PMS1: variants seen among roughly 807,000 people sequenced by gnomAD.
PMS1 encodes the protein PMS1 homolog 1, mismatch repair system component, also known as PMS1 protein homolog 1.
A neutral mutation model predicts 93.1 loss-of-function variants in PMS1; 79 were observed. The ratio of observed to expected loss-of-function variants is 0.85; its 90% confidence interval spans 0.71 to 1.02. PMS1 has a LOEUF of 1.02. Ranked by LOEUF, PMS1 falls within the 50% of genes least tolerant of loss-of-function variation. PMS1 has a pLI of 0.00. For synonymous variants in PMS1, 335 were observed against 363.4 expected (o/e 0.92, Z 0.89); for missense variants, 1,064 against 1,085.3 (o/e 0.98, Z 0.28).
intron 9 of PMS1, among the ~76,000 whole-genome samples, chr2:189,857,965 A>T (rs2055528048): frequency 1.3e-5 from 2 of 152,126 alleles, no homozygotes; most frequent in Admixed American, 1.3e-4. Flanking sequence ...TATTAAGGAA[A>T]TAAGATTCTA....
At chr2:189,818,731 A>C (rs2051549430) in intron 5 of PMS1, among the ~76,000 whole-genome samples, 1 of 152,174 alleles carries the variant, frequency 6.6e-6, no homozygotes, top group South Asian at 2.1e-4. Context: ...TTAATCTCTG[A>C]AATCAGGGAT....
chr2:189,851,837 C>CTGGG (rs5743122), intron 6 of PMS1, among the ~76,000 whole-genome samples: 12,284 of 152,142 alleles, frequency 0.081, 634 homozygotes, highest in East Asian at 0.2. Flanking sequence ...AGTGGTAGAA[C>CTGGG]TGGGATTCAA....
At chr2:189,834,280 C>T (rs2053201694) in intron 5 of PMS1, among the ~76,000 whole-genome samples, 1 of 152,164 alleles carries the variant, frequency 6.6e-6, no homozygotes, top group South Asian at 2.1e-4. Flanking sequence ...TGTGCAATGT[C>T]AGGGAGTCAT....
chr2:189,851,136 T>G (rs912799802), intron 6 of PMS1, among the ~76,000 whole-genome samples: 1 of 152,210 alleles, frequency 6.6e-6, no homozygotes, highest in African/African-American at 2.4e-5. Context: ...TGTTTTATTT[T>G]ACTTTGCCAT....
chr2:189,817,248 A>G (rs2051395107), intron 4 of PMS1, among the ~76,000 whole-genome samples: 1 of 152,224 alleles, frequency 6.6e-6, no homozygotes, highest in Non-Finnish European at 1.5e-5. Flanking sequence ...CCTCAGTGTA[A>G]TGATTCTCTA....
chr2:189,868,043 G>T, intron 11 of PMS1, 114 bp downstream of exon 11: 1 of 889,796 alleles, frequency 1.1e-6, no homozygotes, highest in Non-Finnish European at 1.9e-6. Flanking sequence ...CTCACTATAA[G>T]TACAGTGTCA....
intron 11 of PMS1, among the ~76,000 whole-genome samples, chr2:189,870,381 C>T (rs182822369): frequency 2.6e-5 from 4 of 152,178 alleles, no homozygotes; most frequent in African/African-American, 4.8e-5. Flanking sequence ...AGCTTTTTGT[C>T]CTGCATCAAT....
At chr2:189,843,840 C>G in intron 5 of PMS1, 124 bp from the exon 6 acceptor site, 1 of 815,212 alleles carries the variant, frequency 1.2e-6, no homozygotes, top group South Asian at 1.4e-5. Context: ...TCATGAATCT[C>G]TTCTAAGTGA....
chr2:189,860,189 G>C (rs185249940), intron 9 of PMS1, among the ~76,000 whole-genome samples: 11 of 152,268 alleles, frequency 7.2e-5, no homozygotes, highest in African/African-American at 2.4e-4. Context: ...ACAAAATAGA[G>C]AACATCTCCA....
chr2:189,800,265 C>T (rs2049771850), intron 3 of PMS1, among the ~76,000 whole-genome samples: 1 of 152,122 alleles, frequency 6.6e-6, no homozygotes, highest in African/African-American at 2.4e-5. Context: ...GGTTATATTA[C>T]CTCTTTACTA....
intron 5 of PMS1, among the ~76,000 whole-genome samples, chr2:189,839,146 C>G (rs1310492350): frequency 6.6e-6 from 1 of 152,102 alleles, no homozygotes; most frequent in Non-Finnish European, 1.5e-5. Context: ...TGCCCGCCAC[C>G]ATGCCTGGAT....
chr2:189,809,456 T>G (rs999928955), intron 4 of PMS1, among the ~76,000 whole-genome samples: 3 of 145,724 alleles, frequency 2.1e-5, no homozygotes, highest in Non-Finnish European at 4.5e-5. Context: ...TCTTTTTTTT[T>G]TTTTTTTTTT....
chr2:189,823,264 A>T (rs968103361), intron 5 of PMS1, among the ~76,000 whole-genome samples: 1 of 151,510 alleles, frequency 6.6e-6, no homozygotes, highest in African/African-American at 2.4e-5. Context: ...TTTTATTTTT[A>T]TTTTTTTAAT....
intron 11 of PMS1, among the ~76,000 whole-genome samples, chr2:189,871,773 A>G (rs1367699570): frequency 6.6e-6 from 1 of 152,210 alleles, no homozygotes; most frequent in Non-Finnish European, 1.5e-5. Context: ...GTTGCTATAA[A>G]AGAATACTTG....
At chr2:189,796,927 G>A (rs956250414) in intron 3 of PMS1, among the ~76,000 whole-genome samples, 1 of 152,142 alleles carries the variant, frequency 6.6e-6, no homozygotes, top group African/African-American at 2.4e-5. Context: ...ATAATTCTGT[G>A]TCTAATTTTT....
intron 5 of PMS1, among the ~76,000 whole-genome samples, chr2:189,829,011 C>T (rs1249399252): frequency 1.3e-5 from 2 of 152,136 alleles, no homozygotes; most frequent in South Asian, 2.1e-4. Flanking sequence ...TCCTGTCCAC[C>T]TCCCCTTTTA....
At chr2:189,846,369 G>A (rs79600438) in intron 6 of PMS1, among the ~76,000 whole-genome samples, 15,724 of 152,034 alleles carry the variant, frequency 0.1, 1,172 homozygotes, top group East Asian at 0.2. Context: ...GAAATTAGCC[G>A]GGTATGGTGG....
chr2:189,788,504 G>A (rs531505136), intron 1 of PMS1, among the ~76,000 whole-genome samples: 1 of 152,282 alleles, frequency 6.6e-6, no homozygotes, highest in Non-Finnish European at 1.5e-5. Context: ...ATATCTGTTA[G>A]TGTAAGAGCT....
intron 4 of PMS1, among the ~76,000 whole-genome samples, chr2:189,812,763 T>C (rs1242379578): frequency 1.3e-5 from 2 of 152,188 alleles, no homozygotes; most frequent in East Asian, 1.9e-4. Flanking sequence ...TACAAAGTTA[T>C]ATAGCTAAAA....
Sources: gnomAD v4.1 joint callset for allele counts (sites outside exome capture counted in the v4.1 genomes callset) on GRCh38, gnomAD v4.1.1 for gene constraint, MANE v1.5 for transcripts, NCBI Gene and HGNC (gene_info 2026-07-23, HGNC 2026-07-21) for gene names.